Variants in BIN2 observed in about 807,000 individuals in gnomAD.
The protein encoded by BIN2 is bridging integrator 2.
BIN2 carries 43 observed loss-of-function variants against 67.9 expected under a neutral mutation model. The observed-to-expected ratio is 0.63, with a 90% CI of 0.50 to 0.82. The LOEUF (loss-of-function observed/expected upper bound fraction) is 0.82, where lower values mean the gene tolerates loss of function less well. Among genes scored for constraint, BIN2 ranks in the 40% least tolerant of loss-of-function variants. The pLI is 0.00. For missense variants in BIN2, 581 were observed against 671.6 expected, an observed-to-expected ratio of 0.87 and a Z score of 1.49; for synonymous variants, 244 against 246.8, an observed-to-expected ratio of 0.99 and a Z score of 0.11.
intron 1 of BIN2, among the ~76,000 whole-genome samples, chr12:51,317,246 C>A (rs1471709059): frequency 6.6e-6 from 1 of 152,078 alleles, no homozygotes; most frequent in Non-Finnish European, 1.5e-5. Flanking sequence ...TTGCTTTGTT[C>A]ATTTGGATTT....
At chr12:51,301,394 C>G (rs1565680391) in intron 5 of BIN2, among the ~76,000 whole-genome samples, 1 of 152,288 alleles carries the variant, frequency 6.6e-6, no homozygotes, top group East Asian at 1.9e-4. Flanking sequence ...GTTTCCTCTT[C>G]TATACAATAA....
At chr12:51,316,112 G>A (rs551833143) in intron 1 of BIN2, among the ~76,000 whole-genome samples, 2 of 152,002 alleles carry the variant, frequency 1.3e-5, no homozygotes, top group Non-Finnish European at 2.9e-5. Context: ...TTATTACCTG[G>A]CCTGCTGCAA....
chr12:51,322,193 T>C (rs1192901987), intron 1 of BIN2, among the ~76,000 whole-genome samples: 2 of 152,138 alleles, frequency 1.3e-5, no homozygotes, highest in Admixed American at 6.5e-5. Flanking sequence ...TCTTACCATA[T>C]TGAGTTTCAT....
chr12:51,289,465 A>G (rs754136647), intron 10 of BIN2, among the ~76,000 whole-genome samples: 36 of 151,944 alleles, frequency 2.4e-4, no homozygotes, highest in South Asian at 6.2e-4. Flanking sequence ...AAATACAAAA[A>G]TGAGGCAGGC....
At chr12:51,286,856 C>T (rs1230185448) in intron 11 of BIN2, among the ~76,000 whole-genome samples, 1 of 152,168 alleles carries the variant, frequency 6.6e-6, no homozygotes, top group Non-Finnish European at 1.5e-5. Flanking sequence ...TGGGGTCTCA[C>T]TCTGTTGCCC....
At chr12:51,300,833 C>T (rs1270520861) in intron 5 of BIN2, among the ~76,000 whole-genome samples, 1 of 152,196 alleles carries the variant, frequency 6.6e-6, no homozygotes, top group African/African-American at 2.4e-5. Flanking sequence ...TATTTCATTT[C>T]ATTTTTGGAA....
At chr12:51,322,026 GT>G in intron 1 of BIN2, among the ~76,000 whole-genome samples, 1 of 152,122 alleles carries the variant, frequency 6.6e-6, no homozygotes, top group Admixed American at 6.5e-5. Context: ...AGAATATCTT[GT>G]TTTCTTCATC....
intron 1 of BIN2, 39 bp from the exon 2 acceptor site, chr12:51,313,942 C>T: frequency 6.4e-7 from 1 of 1,558,994 alleles, no homozygotes; most frequent in Non-Finnish European, 8.8e-7. Flanking sequence ...AGGTTATAGT[C>T]AAGTCTCTCT....
chr12:51,313,396 T>C (rs775585545), intron 2 of BIN2, among the ~76,000 whole-genome samples: 46 of 151,738 alleles, frequency 3.0e-4, no homozygotes, highest in Middle Eastern at 3.2e-3. Flanking sequence ...TAGAGTACAA[T>C]GGCAAGATCT....
intron 2 of BIN2, among the ~76,000 whole-genome samples, chr12:51,311,899 A>G (rs4435047): frequency 0.53 from 80,341 of 151,576 alleles, 21,417 homozygotes; most frequent in Non-Finnish European, 0.56. Flanking sequence ...AGCCTCCCGA[A>G]TAGCTGGGAT....
At position 51,313,685 on chromosome 12, in the gene BIN2, C is replaced by T. The variant is rs184765060; in HGVS notation, c.162+138G>A. The T allele has an allele frequency of 7.6e-4, 557 of 730,264 alleles. 2 individuals are homozygous for T. The African/African-American group carries it at 8.9e-3, about 12-fold the overall frequency. The allele number at this position is 730,264 out of a possible 1,614,324, so 45.2% of individuals were successfully genotyped here. A position where few individuals can be genotyped will look rare whatever the true frequency, so the allele number is the denominator to read the frequency against. ...CCGAGGAAGGATAAGCAACAGGTCA[C>T]CCTGTAGCCCTTAACCCTAGGGGGA... On this transcript the variant is annotated intron_variant, in intron 2 of 12. Transcript: ENST00000615107.
chr12:51,319,958 T>TCTCC (rs367551512), intron 1 of BIN2, among the ~76,000 whole-genome samples: 33 of 151,850 alleles, frequency 2.2e-4, no homozygotes, highest in South Asian at 6.2e-4. Context: ...AATCTTTCTC[T>TCTCC]TTCCTTCCTT....
intron 9 of BIN2, among the ~76,000 whole-genome samples, chr12:51,294,161 G>C (rs1009666836): frequency 5.9e-5 from 9 of 152,168 alleles, no homozygotes; most frequent in Non-Finnish European, 1.2e-4. Context: ...GGAAACAGCA[G>C]AGCTATTATA....
At chr12:51,291,217 C>A (rs1193154129) in intron 10 of BIN2, among the ~76,000 whole-genome samples, 1 of 152,088 alleles carries the variant, frequency 6.6e-6, no homozygotes, top group South Asian at 2.1e-4. Context: ...AAATTAATAG[C>A]TATGAAGACA....
rs138534847 is a variant in BIN2 at position 51,293,835 on chromosome 12, T to C, written c.762-1491A>G. On this transcript the variant is annotated intron_variant, in intron 9 of 12. Coordinates refer to ENST00000615107, the MANE Select transcript of BIN2 (RefSeq NM_016293.4). ...AATGAATAAGTCTGACAATTTCACA[T>C]GTAGTGAGAATGTGGACTCATGAGG... 5.3e-3 allele frequency among the ~76,000 whole-genome samples: 814 copies of C among 152,280 alleles called. 6 individuals are homozygous for C. The highest frequency in any genetic ancestry group is 0.018 in the African/African-American group (753 of 41,564).
intron 1 of BIN2, among the ~76,000 whole-genome samples, chr12:51,320,409 C>T (rs1351573292): frequency 1.3e-5 from 2 of 152,208 alleles, no homozygotes; most frequent in Non-Finnish European, 2.9e-5. Context: ...TGACCACTCC[C>T]TGTGCTCCAG....
intron 4 of BIN2, 27 bp downstream of exon 4, chr12:51,302,659 A>C: frequency 6.3e-7 from 1 of 1,574,818 alleles, no homozygotes; most frequent in Middle Eastern, 1.8e-4. Context: ...AAGTGCCAAT[A>C]AGTTGTAAAA....
At chr12:51,288,020 G>T in intron 11 of BIN2, 88 bp downstream of exon 11, 1 of 960,746 alleles carries the variant, frequency 1.0e-6, no homozygotes, top group Non-Finnish European at 1.6e-6. Flanking sequence ...GAAGGCCTCT[G>T]AAAGATATAC....
rs1212962648 is a variant in BIN2, at chr12:51,324,120, G to A, written c.-18C>T. ...TCTGCCATCCTGCCAACTCCCTGGG[G>A]GCCGCCGCCCTGGCCCCGCGCCCTG... On this transcript the variant is annotated 5_prime_UTR_variant, in exon 1 of 13. Coordinates refer to ENST00000615107, the MANE Select transcript of BIN2 (RefSeq NM_016293.4). The A allele has an allele frequency of 6.2e-7, 1 of 1,611,862 alleles. No individual in the cohort carries two copies. Among genetic ancestry groups the A allele is most frequent in the Non-Finnish European group, 8.5e-7 (1 of 1,178,998 alleles).
Sources: gnomAD v4.1 joint callset for allele counts (sites outside exome capture counted in the v4.1 genomes callset) on GRCh38, gnomAD v4.1.1 for gene constraint, MANE v1.5 for transcripts, NCBI Gene and HGNC (gene_info 2026-07-23, HGNC 2026-07-21) for gene names.